The following ZC3H13 variants were observed in gnomAD, a reference collection of about 807,000 sequenced individuals.
ZC3H13 encodes zinc finger CCCH domain-containing protein 13.
ZC3H13 carries 64 observed loss-of-function variants against 204.1 expected under a neutral mutation model. The ratio of observed to expected loss-of-function variants is 0.31; its 90% CI spans 0.26 to 0.39. The LOEUF (loss-of-function observed/expected upper bound fraction) is 0.39. ZC3H13 is among the 10% of genes least tolerant of loss of function. ZC3H13 has a pLI of 1.00. For synonymous variants in ZC3H13, 667 were observed against 693.7 expected (o/e 0.96, Z 0.60); for missense variants, 1,833 against 2,082.7 (o/e 0.88, Z 2.33).
chr13:46,029,564 GA>G (rs1167189951), intron 4 of ZC3H13, among the ~76,000 whole-genome samples: 1 of 151,432 alleles, frequency 6.6e-6, no homozygotes, highest in Non-Finnish European at 1.5e-5. Flanking sequence ...GAGTAGCTGG[GA>G]CTACAGGCGC....
intron 4 of ZC3H13, among the ~76,000 whole-genome samples, chr13:46,029,883 T>C (rs187750567): frequency 1.3e-5 from 2 of 152,224 alleles, no homozygotes; most frequent in East Asian, 1.9e-4. Context: ...AGTAACTATA[T>C]AAAATGATGG....
intron 7 of ZC3H13, among the ~76,000 whole-genome samples, chr13:46,003,697 C>T (rs565200415): frequency 9.2e-5 from 14 of 152,184 alleles, no homozygotes; most frequent in Non-Finnish European, 2.1e-4. Context: ...TATAATTCTA[C>T]TACTCAAAGA....
At chr13:45,966,657 G>T (rs1238131227) in intron 15 of ZC3H13, among the ~76,000 whole-genome samples, 1 of 152,052 alleles carries the variant, frequency 6.6e-6, no homozygotes, top group Non-Finnish European at 1.5e-5. Context: ...ATATCCCAGG[G>T]TTGTACCTCC....
chr13:46,005,090 A>T (rs1160419818), intron 7 of ZC3H13, among the ~76,000 whole-genome samples: 6 of 152,260 alleles, frequency 3.9e-5, no homozygotes, highest in African/African-American at 1.4e-4. Context: ...AGAAAATCAA[A>T]TTTTTTACTA....
Position 45,976,096 on chromosome 13 carries a change from T to C in ZC3H13, c.1913-258A>G, listed in dbSNP as rs1456252712. 4.5e-6 allele frequency: 4 copies of C among 884,778 alleles called. No homozygotes were observed. In the Admixed American group the frequency reaches 1.9e-4, roughly 42 times the overall value. The allele number at this position is 884,778 out of a possible 1,614,324, so 54.8% of individuals were successfully genotyped here. ...CAACCCCCTTCCCCCCTCCCACTGA[T>C]CAATCTTTGATCTTTCTCTGCATGC... On this transcript the variant is annotated intron_variant, in intron 11 of 18. Transcript: ENST00000679008.
At position 45,975,264 on chromosome 13, in the gene ZC3H13, A is replaced by C; in HGVS notation, c.2468+19T>G. On this transcript the variant is annotated intron_variant, in intron 12 of 18. Coordinates refer to ENST00000679008, the MANE Select transcript of ZC3H13 (RefSeq NM_001330564.2). ...TCCTGAAATGTAAAATGTTATTAAT[A>C]ACTGATAATTATTCTTACTTTGATT... is the stretch of plus-strand genomic sequence containing the variant. 6.3e-7 allele frequency: 1 copy of C among 1,597,916 alleles called. No homozygotes were observed. The highest frequency in any genetic ancestry group is 8.5e-7 in the Non-Finnish European group (1 of 1,170,398).
chr13:46,011,272 T>C lies in ZC3H13; in HGVS notation c.588+143A>G, dbSNP rs554422682. On this transcript the variant is annotated intron_variant, in intron 6 of 18. Transcript: ENST00000679008. Reference sequence around the variant, plus strand: ...GAATAATGTGAAAATTAAATGAATATATATGGAGTAGTACATATACAGTGG... The same window carrying C: ...GAATAATGTGAAAATTAAATGAATACATATGGAGTAGTACATATACAGTGG... 4 of 517,054 alleles carry C rather than the reference T, an allele frequency of 7.7e-6. No individual in the cohort carries two copies. The Admixed American group carries it at 1.6e-4, about 21-fold the overall frequency. The allele number at this position is 517,054 out of a possible 1,614,324, so 32.0% of individuals were successfully genotyped here.
At chr13:46,023,179 C>T (rs1199612961) in intron 4 of ZC3H13, among the ~76,000 whole-genome samples, 4 of 152,102 alleles carry the variant, frequency 2.6e-5, no homozygotes, top group Non-Finnish European at 5.9e-5. Context: ...ATCCAACCTC[C>T]TACCCTATGC....
In ZC3H13 at chr13:45,954,817, A is replaced by G. The variant is rs561149936; in HGVS notation, c.*2310T>C. 8.5e-5 allele frequency: 13 copies of G among 152,362 alleles called. No individual in the cohort carries two copies. The highest frequency in any genetic ancestry group is 3.1e-4 in the African/African-American group (13 of 41,584). 9.4% of individuals were successfully genotyped at this position (152,362 alleles called of 1,614,324 possible). ...GGCTAGGATGGTGACGACAATCTGC[A>G]ATTACTGGTCAGAGTGAAGCGAAGT... On this transcript the variant is annotated 3_prime_UTR_variant, in exon 19 of 19. Transcript: ENST00000679008.
intron 4 of ZC3H13, among the ~76,000 whole-genome samples, chr13:46,038,422 G>A (rs965642936): frequency 6.6e-6 from 1 of 152,116 alleles, no homozygotes; most frequent in Non-Finnish European, 1.5e-5. Context: ...ACTATCACAT[G>A]CTACAGAATT....
intron 3 of ZC3H13, among the ~76,000 whole-genome samples, chr13:46,044,522 T>C (rs931783670): frequency 6.6e-6 from 1 of 152,128 alleles, no homozygotes; most frequent in African/African-American, 2.4e-5. Flanking sequence ...CAAATGCATT[T>C]TAACCTATAG....
chr13:45,998,874 T>C (rs2138435426), intron 8 of ZC3H13, among the ~76,000 whole-genome samples: 1 of 152,250 alleles, frequency 6.6e-6, no homozygotes, highest in East Asian at 1.9e-4. Context: ...ACCAATTGAC[T>C]CTTCCTTTCG....
chr13:46,033,521 C>CA (rs1386462771), intron 4 of ZC3H13, among the ~76,000 whole-genome samples: 1 of 151,892 alleles, frequency 6.6e-6, no homozygotes, highest in East Asian at 1.9e-4. Flanking sequence ...CTAATAAAAT[C>CA]AAAGTTAAGT....
At chr13:45,970,525 T>G in intron 12 of ZC3H13, 60 bp from the exon 13 acceptor site, 1 of 1,456,608 alleles carries the variant, frequency 6.9e-7, no homozygotes, top group Non-Finnish European at 9.5e-7. Context: ...AGAGATTTTT[T>G]TGTTTTTACT....
At chr13:46,027,586 A>C (rs1250428178) in intron 4 of ZC3H13, among the ~76,000 whole-genome samples, 1 of 152,224 alleles carries the variant, frequency 6.6e-6, no homozygotes, top group Non-Finnish European at 1.5e-5. Context: ...CCTTCATAAA[A>C]TAGTACCAAA....
At chr13:45,980,475 T>A (rs1220822589) in intron 10 of ZC3H13, among the ~76,000 whole-genome samples, 1 of 152,106 alleles carries the variant, frequency 6.6e-6, no homozygotes, top group Non-Finnish European at 1.5e-5. Context: ...GGGAAACAAA[T>A]GTTCACAGTG....
rs749002051 is a variant in ZC3H13, at chr13:45,969,440, G to T, written c.3104C>A (p.Pro1035His). The part of the protein sequence containing the change: ...SKKKRGPRTP[P>H]ITTKEELVEM... Reference sequence around the variant, plus strand: ...AACCAATTCCTCTTTAGTTGTTATAGGGGGAGTCCGTGGGCCTCTTTTCTT... The same window carrying T: ...AACCAATTCCTCTTTAGTTGTTATATGGGGAGTCCGTGGGCCTCTTTTCTT... The change falls in exon 14 of 19, where the codon CCT becomes CAT. Residue 1035 changes from proline to histidine, a missense_variant. Pro to His is a moderately conservative substitution (Grantham distance 77). This residue lies in a region of ZC3H13 where 1,574 missense variants were observed against 1,757.2 expected (regional missense o/e 0.90). Coordinates refer to ENST00000679008, the MANE Select transcript of ZC3H13 (RefSeq NM_001330564.2). 38 of 1,613,898 alleles carry T rather than the reference G, an allele frequency of 2.4e-5. No homozygotes were observed. The highest frequency in any genetic ancestry group is 1.6e-4 in the Middle Eastern group (1 of 6,082).
At chr13:46,035,410 T>G (rs575887816) in intron 4 of ZC3H13, among the ~76,000 whole-genome samples, 1 of 152,346 alleles carries the variant, frequency 6.6e-6, no homozygotes, top group Admixed American at 6.5e-5. Context: ...CAACTCTTAA[T>G]GCTATCAAAG....
At position 45,985,764 on chromosome 13, in the gene ZC3H13, G is replaced by A; in HGVS notation, c.1256-3C>T. On this transcript the variant is annotated splice_region_variant and splice_polypyrimidine_tract_variant and intron_variant, in intron 9 of 18. Coordinates refer to ENST00000679008, the MANE Select transcript of ZC3H13 (RefSeq NM_001330564.2). ...TCTGTCTCGTTTGCCCCTAGTATCT[G>A]TAATGCAATTTTGGAAATTGACTGT... 6.3e-7 allele frequency: 1 copy of A among 1,575,448 alleles called. No homozygotes were observed. The highest frequency in any genetic ancestry group is 8.6e-7 in the Non-Finnish European group (1 of 1,165,184).
Sources: gnomAD v4.1 joint callset for allele counts (sites outside exome capture counted in the v4.1 genomes callset) on GRCh38, gnomAD v4.1.1 for gene constraint, gnomAD v4.1.1 regional missense constraint, MANE v1.5 for transcripts, NCBI Gene and HGNC (gene_info 2026-07-23, HGNC 2026-07-21) for gene names.